The following ERC2 variants were observed in gnomAD, a reference collection of about 807,000 sequenced individuals.
The protein encoded by ERC2 is ELKS/RAB6-interacting/CAST family member 2.
ERC2 carries 42 observed loss-of-function variants against 114.8 expected under a neutral mutation model. That is an observed-to-expected ratio of 0.37 (90% CI 0.29 to 0.47). The LOEUF (loss-of-function observed/expected upper bound fraction) is 0.47, where lower values mean the gene tolerates loss of function less well. ERC2 is among the 20% of genes least tolerant of loss of function. The pLI, the probability that ERC2 is intolerant of heterozygous loss-of-function variation, is 0.99. For missense variants in ERC2, 939 were observed against 1,150.7 expected (o/e 0.82, Z 2.66); for synonymous variants, 454 against 425.5 (o/e 1.07, Z -0.82).
At chr3:55,813,717 C>T (rs2059805590) in intron 14 of ERC2, among the ~76,000 whole-genome samples, 1 of 152,168 alleles carries the variant, frequency 6.6e-6, no homozygotes. Context: ...AAATGTTCAG[C>T]ATGTGTAAAT....
chr3:55,681,923 G>T (rs1490870503), intron 17 of ERC2, among the ~76,000 whole-genome samples: 1 of 152,102 alleles, frequency 6.6e-6, no homozygotes, highest in South Asian at 2.1e-4. Flanking sequence ...TCACTATTCA[G>T]GAGGAAACAC....
chr3:55,708,810 T>G (rs861561), intron 15 of ERC2, among the ~76,000 whole-genome samples: 120,186 of 151,164 alleles, frequency 0.8, 47,793 homozygotes, highest in South Asian at 0.89. Flanking sequence ...AGACTGGGAA[T>G]AAATAAAGGA....
intron 17 of ERC2, among the ~76,000 whole-genome samples, chr3:55,593,560 T>A (rs1470827830): frequency 6.6e-6 from 1 of 152,172 alleles, no homozygotes; most frequent in Non-Finnish European, 1.5e-5. Context: ...TCATTAGAGA[T>A]CTCACTTTCC....
intron 13 of ERC2, among the ~76,000 whole-genome samples, chr3:55,933,269 T>C (rs2066237362): frequency 6.6e-6 from 1 of 151,446 alleles, no homozygotes; most frequent in African/African-American, 2.4e-5. Flanking sequence ...AATGCCAACC[T>C]TTAGGCTTAG....
At chr3:55,812,537 T>A (rs2059758661) in intron 14 of ERC2, among the ~76,000 whole-genome samples, 1 of 152,062 alleles carries the variant, frequency 6.6e-6, no homozygotes, top group Non-Finnish European at 1.5e-5. Flanking sequence ...ACTGCTATAA[T>A]CTGATGAAAC....
chr3:56,205,601 T>C (rs1455727525), intron 3 of ERC2, among the ~76,000 whole-genome samples: 1 of 152,180 alleles, frequency 6.6e-6, no homozygotes, highest in Non-Finnish European at 1.5e-5. Flanking sequence ...TTAAAGGCAT[T>C]AAAATAACAA....
intron 3 of ERC2, among the ~76,000 whole-genome samples, chr3:56,204,828 T>TC (rs2048618618): frequency 6.6e-6 from 1 of 151,968 alleles, no homozygotes; most frequent in Non-Finnish European, 1.5e-5. Context: ...AACACTGGAA[T>TC]ATCTTCACAG....
At chr3:56,299,294 A>G (rs1242293566) in intron 2 of ERC2, among the ~76,000 whole-genome samples, 2 of 150,760 alleles carry the variant, frequency 1.3e-5, no homozygotes, top group African/African-American at 4.9e-5. Flanking sequence ...CGCCCAGCTA[A>G]TTTTTTTGTA....
chr3:56,261,882 G>A (rs1035665747), intron 3 of ERC2, among the ~76,000 whole-genome samples: 1 of 151,932 alleles, frequency 6.6e-6, no homozygotes, highest in Non-Finnish European at 1.5e-5. Context: ...CCCTCCAATA[G>A]TCCCCAGTGT....
At chr3:55,526,527 TC>T (rs2053328622) in intron 17 of ERC2, among the ~76,000 whole-genome samples, 1 of 152,182 alleles carries the variant, frequency 6.6e-6, no homozygotes, top group African/African-American at 2.4e-5. Flanking sequence ...GTCGTGGCTC[TC>T]CCAAGGGTGG....
At chr3:56,085,353 G>A (rs1317554516) in intron 6 of ERC2, among the ~76,000 whole-genome samples, 1 of 152,184 alleles carries the variant, frequency 6.6e-6, no homozygotes, top group African/African-American at 2.4e-5. Flanking sequence ...CAGATGTGTG[G>A]AGCCCCCAAG....
chr3:55,760,889 G>C (rs190873396), intron 14 of ERC2, among the ~76,000 whole-genome samples: 1 of 152,304 alleles, frequency 6.6e-6, no homozygotes, highest in Admixed American at 6.5e-5. Context: ...TAGAATAGGA[G>C]AGCCTAAAGG....
chr3:55,563,460 T>C (rs2056170015), intron 17 of ERC2, among the ~76,000 whole-genome samples: 1 of 152,142 alleles, frequency 6.6e-6, no homozygotes, highest in African/African-American at 2.4e-5. Flanking sequence ...AGCCCCAGGA[T>C]GGGCTCCCAA....
At chr3:55,694,006 G>A (rs2062803722) in intron 16 of ERC2, among the ~76,000 whole-genome samples, 1 of 152,170 alleles carries the variant, frequency 6.6e-6, no homozygotes, top group Admixed American at 6.5e-5. Context: ...ACTGCGCCCG[G>A]CAAAGATGAC....
chr3:56,210,506 G>A (rs1455337539), intron 3 of ERC2, among the ~76,000 whole-genome samples: 2 of 152,280 alleles, frequency 1.3e-5, no homozygotes, highest in East Asian at 3.9e-4. Context: ...CCACACTGTA[G>A]GTGTGGGCTT....
intron 17 of ERC2, 110 bp downstream of exon 17, chr3:55,683,684 C>T (rs2062174161): frequency 1.1e-6 from 1 of 918,020 alleles, no homozygotes; most frequent in Admixed American, 2.4e-5. Context: ...AACACAGTAG[C>T]AAACACAGGG....
At chr3:55,540,615 G>A (rs777322765) in intron 17 of ERC2, among the ~76,000 whole-genome samples, 17 of 152,162 alleles carry the variant, frequency 1.1e-4, no homozygotes, top group Non-Finnish European at 2.1e-4. Context: ...TCTGTAAAAC[G>A]AAGGAGGTGA....
At chr3:55,919,083 T>G (rs1000905608) in intron 13 of ERC2, among the ~76,000 whole-genome samples, 2 of 152,138 alleles carry the variant, frequency 1.3e-5, no homozygotes, top group African/African-American at 4.8e-5. Flanking sequence ...AATGGATATT[T>G]AAAGTATGAT....
chr3:56,379,110 T>C (rs1369906392), intron 2 of ERC2, among the ~76,000 whole-genome samples: 1 of 152,228 alleles, frequency 6.6e-6, no homozygotes, highest in East Asian at 1.9e-4. Context: ...TTAAATCCCA[T>C]GTGTATGTCA....
Sources: gnomAD v4.1 joint callset for allele counts (sites outside exome capture counted in the v4.1 genomes callset) on GRCh38, gnomAD v4.1.1 for gene constraint, MANE v1.5 for transcripts, NCBI Gene and HGNC (gene_info 2026-07-23, HGNC 2026-07-21) for gene names.